Variants in NRXN3 observed in about 807,000 individuals in gnomAD.
NRXN3 encodes neurexin III.
NRXN3 carries 32 observed loss-of-function variants against 137.6 expected under a neutral mutation model. The ratio of observed to expected loss-of-function variants is 0.23; its 90% CI spans 0.18 to 0.31. The LOEUF (loss-of-function observed/expected upper bound fraction) is 0.31, where lower values mean the gene tolerates loss of function less well. Among genes scored for constraint, NRXN3 ranks in the 10% least tolerant of loss-of-function variants. NRXN3 has a pLI of 1.00. For synonymous variants in NRXN3, 798 were observed against 784.5 expected, an observed-to-expected ratio of 1.02 and a Z score of -0.29; for missense variants, 1,574 against 2,062.5, an observed-to-expected ratio of 0.76 and a Z score of 4.59.
At chr14:78,457,714 G>A (rs917655620) in intron 4 of NRXN3, among the ~76,000 whole-genome samples, 5 of 152,144 alleles carry the variant, frequency 3.3e-5, no homozygotes, top group African/African-American at 1.2e-4. Flanking sequence ...GGTGTATACA[G>A]ATATATATGT....
intron 4 of NRXN3, among the ~76,000 whole-genome samples, chr14:78,525,062 T>G (rs1381517547): frequency 2.0e-5 from 3 of 152,252 alleles, no homozygotes; most frequent in Admixed American, 2.0e-4. Context: ...CTAGTTTCCT[T>G]GTATTTTTGA....
At chr14:78,917,979 T>TAAAAAAAAAAAAAAAAAAAAAAAAA (rs1158635049) in intron 10 of NRXN3, among the ~76,000 whole-genome samples, 1 of 57,216 alleles carries the variant, frequency 1.7e-5, no homozygotes, top group Non-Finnish European at 3.5e-5. Flanking sequence ...AATAAAAAAA[T>TAAAAAAAAAAAAAAAAAAAAAAAAA]AAAAAAATGA....
intron 19 of NRXN3, among the ~76,000 whole-genome samples, chr14:79,790,092 T>A (rs1010091907): frequency 6.6e-6 from 1 of 152,198 alleles, no homozygotes; most frequent in Non-Finnish European, 1.5e-5. Flanking sequence ...GTCCCTTATG[T>A]GTTAGTCTAT....
At chr14:79,684,642 T>A (rs2098687597) in intron 17 of NRXN3, among the ~76,000 whole-genome samples, 1 of 152,136 alleles carries the variant, frequency 6.6e-6, no homozygotes, top group African/African-American at 2.4e-5. Context: ...AGCGGAATTG[T>A]CCTCCCAAAC....
intron 14 of NRXN3, among the ~76,000 whole-genome samples, chr14:78,987,100 A>G (rs916905509): frequency 7.9e-5 from 12 of 151,946 alleles, no homozygotes; most frequent in African/African-American, 2.7e-4. Context: ...CGGCTTTCAA[A>G]CTTCAGACTG....
At chr14:79,105,416 C>T (rs1270973484) in intron 15 of NRXN3, among the ~76,000 whole-genome samples, 1 of 152,070 alleles carries the variant, frequency 6.6e-6, no homozygotes, top group Non-Finnish European at 1.5e-5. Context: ...TTTTATTTTA[C>T]ACAAAATATC....
intron 15 of NRXN3, among the ~76,000 whole-genome samples, chr14:79,183,647 C>T (rs1480896413): frequency 6.6e-6 from 1 of 152,186 alleles, no homozygotes; most frequent in Admixed American, 6.5e-5. Flanking sequence ...AGTCTATAAT[C>T]ACAACTCTTC....
chr14:78,846,998 G>T (rs936623337), intron 10 of NRXN3, among the ~76,000 whole-genome samples: 1 of 152,062 alleles, frequency 6.6e-6, no homozygotes, highest in African/African-American at 2.4e-5. Flanking sequence ...TGTCTCTGAT[G>T]TTACAAGTTA....
intron 15 of NRXN3, among the ~76,000 whole-genome samples, chr14:79,430,070 T>C (rs1185369583): frequency 6.6e-6 from 1 of 152,212 alleles, no homozygotes; most frequent in East Asian, 1.9e-4. Context: ...TTAATAGGTC[T>C]ATCAGTATGT....
At position 79,538,284 on chromosome 14, in the gene NRXN3, C is replaced by T. The variant is rs148368149; in HGVS notation, c.3444+70882C>T. Among the ~76,000 whole-genome samples, 1,467 of 152,248 alleles carry T rather than the reference C, an allele frequency of 9.6e-3. 21 individuals carry two copies. The highest frequency in any genetic ancestry group is 0.034 in the African/African-American group (1,409 of 41,550). On this transcript the variant is annotated intron_variant, in intron 16 of 20. Transcript: ENST00000335750. ...GGTAGTTTCTTTTGCTGTGCAGAAG[C>T]TCTTTAGTTTAATTAGATCCCATTT...
intron 16 of NRXN3, among the ~76,000 whole-genome samples, chr14:79,492,027 A>G (rs897325672): frequency 3.3e-5 from 5 of 152,184 alleles, no homozygotes; most frequent in African/African-American, 1.2e-4. Flanking sequence ...TCGTAGATGA[A>G]TGTCTATAAG....
intron 15 of NRXN3, among the ~76,000 whole-genome samples, chr14:79,150,111 C>A (rs1018238228): frequency 6.6e-6 from 1 of 152,028 alleles, no homozygotes; most frequent in Non-Finnish European, 1.5e-5. Context: ...CTAAGTCTTG[C>A]CCTTGCATGT....
At chr14:79,375,162 G>T (rs574289625) in intron 15 of NRXN3, among the ~76,000 whole-genome samples, 1 of 151,852 alleles carries the variant, frequency 6.6e-6, no homozygotes, top group East Asian at 1.9e-4. Flanking sequence ...GGAGAAGAGG[G>T]GTTAAAACCT....
intron 16 of NRXN3, among the ~76,000 whole-genome samples, chr14:79,618,986 TG>T (rs2098192287): frequency 6.6e-6 from 1 of 152,196 alleles, no homozygotes; most frequent in Non-Finnish European, 1.5e-5. Flanking sequence ...ATGTAATTGT[TG>T]GCTGCATGTA....
intron 15 of NRXN3, among the ~76,000 whole-genome samples, chr14:79,097,142 C>T (rs2050497268): frequency 6.6e-6 from 1 of 152,000 alleles, no homozygotes; most frequent in Non-Finnish European, 1.5e-5. Flanking sequence ...TTGGTCATCA[C>T]CCTAAATAAT....
chr14:78,556,719 G>A (rs1209209419), intron 4 of NRXN3, among the ~76,000 whole-genome samples: 1 of 152,016 alleles, frequency 6.6e-6, no homozygotes, highest in Admixed American at 6.5e-5. Context: ...AAAAAGGAAA[G>A]TTATCAACTT....
intron 6 of NRXN3, among the ~76,000 whole-genome samples, chr14:78,704,130 CTTAGT>C (rs1223370251): frequency 2.0e-5 from 3 of 152,198 alleles, no homozygotes; most frequent in African/African-American, 7.2e-5. Context: ...GTCTCTAATT[CTTAGT>C]TTATTCTCAT....
intron 19 of NRXN3, among the ~76,000 whole-genome samples, chr14:79,731,189 G>T (rs926588373): frequency 6.6e-6 from 1 of 152,174 alleles, no homozygotes; most frequent in Non-Finnish European, 1.5e-5. Context: ...CCACTGTTCT[G>T]CTTCTGCCTG....
intron 8 of NRXN3, among the ~76,000 whole-genome samples, chr14:78,718,951 G>C (rs1306999833): frequency 6.6e-6 from 1 of 152,188 alleles, no homozygotes; most frequent in African/African-American, 2.4e-5. Context: ...CAGTCTAGCT[G>C]GTCTTTAGCC....
Sources: allele counts gnomAD v4.1 joint callset (sites outside exome capture counted in the v4.1 genomes callset), GRCh38; gene constraint gnomAD v4.1.1; transcripts MANE v1.5; gene names NCBI Gene and HGNC (gene_info 2026-07-23, HGNC 2026-07-21).